RBFOX1: variants seen among roughly 807,000 people sequenced by gnomAD.
RBFOX1 encodes the protein RNA binding fox-1 homolog 1.
Under a neutral mutation model 57.7 loss-of-function variants are expected in RBFOX1, and 8 were observed. That is an observed-to-expected ratio of 0.14 (90% CI 0.08 to 0.25). The LOEUF (loss-of-function observed/expected upper bound fraction) is 0.25. Among genes scored for constraint, RBFOX1 ranks in the 10% least tolerant of loss-of-function variants. RBFOX1 has a pLI of 1.00. For missense variants in RBFOX1, 611 were observed against 548.5 expected, an observed-to-expected ratio of 1.11 and a Z score of -1.14; for synonymous variants, 326 against 222.4, an observed-to-expected ratio of 1.47 and a Z score of -4.15.
intron 3 of RBFOX1, among the ~76,000 whole-genome samples, chr16:5,734,107 C>T (rs551708214): frequency 6.6e-6 from 1 of 152,304 alleles, no homozygotes; most frequent in South Asian, 2.1e-4. Flanking sequence ...TTACGCCCTA[C>T]CTGGTTTCAT....
At chr16:7,664,668 C>A in intron 12 of RBFOX1, 1 of 550,066 alleles carries the variant, frequency 1.8e-6, no homozygotes, top group Non-Finnish European at 3.2e-6. Flanking sequence ...TGTACCCACT[C>A]CTGAGAGAGT....
intron 4 of RBFOX1, among the ~76,000 whole-genome samples, chr16:7,508,483 G>A (rs575259075): frequency 9.1e-4 from 138 of 152,256 alleles, no homozygotes; most frequent in African/African-American, 3.0e-3. Context: ...TTGTGAGACA[G>A]GGCCTCTTGT....
intron 4 of RBFOX1, among the ~76,000 whole-genome samples, chr16:7,084,575 C>A (rs1376912107): frequency 3.3e-5 from 5 of 152,144 alleles, no homozygotes; most frequent in Admixed American, 3.3e-4. Flanking sequence ...TGCCTCATAA[C>A]TGACTTCAGT....
In RBFOX1 at chr16:6,278,817, G is replaced by C. The variant is rs111826409; in HGVS notation, c.-126-38178G>C. 7.6e-3 allele frequency among the ~76,000 whole-genome samples: 1,152 copies of C among 152,210 alleles called. 16 individuals are homozygous for C. The highest frequency in any genetic ancestry group is 0.025 in the African/African-American group (1,057 of 41,542). On this transcript the variant is annotated intron_variant, in intron 1 of 15. Transcript: ENST00000550418. ...AGAAACTCGATATTGTTTAAAGACA[G>C]CTTAACAGCATTGTAAGGTTCATAA...
chr16:6,487,349 C>T (rs1003094158), intron 2 of RBFOX1, among the ~76,000 whole-genome samples: 3 of 152,028 alleles, frequency 2.0e-5, no homozygotes, highest in African/African-American at 4.8e-5. Context: ...AGTGTTCTTT[C>T]TGTTGAGGTG....
chr16:6,559,730 T>C (rs2097154833), intron 2 of RBFOX1, among the ~76,000 whole-genome samples: 1 of 152,162 alleles, frequency 6.6e-6, no homozygotes, highest in South Asian at 2.1e-4. Flanking sequence ...TGTGTCTATA[T>C]ATCTATATCT....
rs564245170 is a variant in RBFOX1 at position 7,343,784 on chromosome 16, C to T, written c.28-174363C>T. ...ACCATTGAGGCCTCCACCTCTGGGACCTTGGATGCCATTTGCTACCTGTGT... is the reference window on the plus strand; with the variant it reads ...ACCATTGAGGCCTCCACCTCTGGGATCTTGGATGCCATTTGCTACCTGTGT... On this transcript the variant is annotated intron_variant, in intron 4 of 15. Transcript: ENST00000550418. Among the ~76,000 whole-genome samples, 10 of 152,114 alleles carry T rather than the reference C, an allele frequency of 6.6e-5. No homozygotes were observed. In the South Asian group the frequency reaches 1.7e-3, roughly 25 times the overall value.
intron 4 of RBFOX1, among the ~76,000 whole-genome samples, chr16:7,246,814 T>G (rs2094320975): frequency 6.6e-6 from 1 of 152,096 alleles, no homozygotes; most frequent in South Asian, 2.1e-4. Context: ...ACTGGCTGAC[T>G]GACTGATCAA....
upstream of RBFOX1, among the ~76,000 whole-genome samples, chr16:6,015,610 A>G (rs117841824): frequency 8.0e-3 from 1,212 of 152,296 alleles, 12 homozygotes; most frequent in Middle Eastern, 0.048. Context: ...CTCTATTTAT[A>G]TTGAACAGAT....
chr16:7,539,602 C>T (rs940406616), intron 5 of RBFOX1, among the ~76,000 whole-genome samples: 2 of 152,152 alleles, frequency 1.3e-5, no homozygotes, highest in African/African-American at 2.4e-5. Flanking sequence ...TTGTAATCTT[C>T]TACATAGAGG....
chr16:7,025,579 C>T (rs1021292786), intron 3 of RBFOX1, among the ~76,000 whole-genome samples: 4 of 152,082 alleles, frequency 2.6e-5, no homozygotes, highest in Admixed American at 2.0e-4. Context: ...GTGCAGTGTG[C>T]ATTTGCATGC....
intron 1 of RBFOX1, among the ~76,000 whole-genome samples, chr16:6,107,612 G>A (rs904376621): frequency 1.6e-4 from 25 of 151,916 alleles, no homozygotes; most frequent in Admixed American, 2.0e-4. Flanking sequence ...CGGATGGATG[G>A]ATACATAGAT....
chr16:6,268,302 TGGA>T (rs2074783864), intron 1 of RBFOX1, among the ~76,000 whole-genome samples: 1 of 152,346 alleles, frequency 6.6e-6, no homozygotes, highest in Middle Eastern at 3.4e-3. Context: ...GCAGGTCGAA[TGGA>T]GGAGAACTCC....
chr16:6,358,366 T>C (rs2087771670), intron 2 of RBFOX1, among the ~76,000 whole-genome samples: 1 of 152,228 alleles, frequency 6.6e-6, no homozygotes, highest in East Asian at 1.9e-4. Flanking sequence ...CTTCTCTTCA[T>C]GTAAGGAGGT....
At chr16:5,676,087 T>G (rs952163586) in intron 3 of RBFOX1, among the ~76,000 whole-genome samples, 1 of 152,064 alleles carries the variant, frequency 6.6e-6, no homozygotes, top group African/African-American at 2.4e-5. Context: ...CAGGGCCTGC[T>G]GGGGCATTGA....
chr16:6,814,387 C>T (rs2089563370), intron 3 of RBFOX1, among the ~76,000 whole-genome samples: 1 of 152,094 alleles, frequency 6.6e-6, no homozygotes, highest in Non-Finnish European at 1.5e-5. Flanking sequence ...TGTTTTCCAT[C>T]CATTCTTACG....
chr16:5,878,952 G>T (rs143768792), intron 4 of RBFOX1, among the ~76,000 whole-genome samples: 1 of 152,230 alleles, frequency 6.6e-6, no homozygotes, highest in African/African-American at 2.4e-5. Context: ...AACATCTGAC[G>T]CGTTTTACAT....
chr16:7,141,662 T>G (rs373673108), intron 4 of RBFOX1, among the ~76,000 whole-genome samples: 2 of 152,214 alleles, frequency 1.3e-5, no homozygotes, highest in East Asian at 1.9e-4. Context: ...CTCATCTAAC[T>G]TTAGTGTTTA....
chr16:7,071,434 C>T (rs769316268), intron 4 of RBFOX1, among the ~76,000 whole-genome samples: 3 of 152,064 alleles, frequency 2.0e-5, no homozygotes, highest in Non-Finnish European at 4.4e-5. Flanking sequence ...GGAAGTGTGG[C>T]AGATCATTTA....
Sources: gnomAD v4.1 joint callset for allele counts (sites outside exome capture counted in the v4.1 genomes callset) on GRCh38, gnomAD v4.1.1 for gene constraint, MANE v1.5 for transcripts, NCBI Gene and HGNC (gene_info 2026-07-23, HGNC 2026-07-21) for gene names.